Variants in RNF19B observed in about 807,000 individuals in gnomAD.
RNF19B encodes ring finger protein 19B.
Under a neutral mutation model 65.5 loss-of-function variants are expected in RNF19B, and 23 were observed. The ratio of observed to expected loss-of-function variants is 0.35; its 90% CI spans 0.25 to 0.50. RNF19B has a LOEUF of 0.50. Among genes scored for constraint, RNF19B ranks in the 20% least tolerant of loss-of-function variants. The pLI is 0.98. For synonymous variants in RNF19B, 372 were observed against 379.6 expected, an observed-to-expected ratio of 0.98 and a Z score of 0.23; for missense variants, 794 against 980.0, an observed-to-expected ratio of 0.81 and a Z score of 2.53.
Position 32,964,191 on chromosome 1 carries a change from C to G in RNF19B, c.495G>C (p.Glu165Asp), listed in dbSNP as rs1051276722. The change falls in exon 1 of 9, where the codon GAG becomes GAC. Residue 165 changes from glutamate to aspartate, a missense_variant. Physicochemically the swap from Glu to Asp is conservative, Grantham distance 45. Coordinates refer to ENST00000235150, the MANE Select transcript of RNF19B (RefSeq NM_001300826.2). This position sits in a 1 kb window ranked among gnomAD's most constrained non-coding sequence, Gnocchi z 6.5. ...CGTGCGGGTTGAGTCGCTCGCTGCA[C>G]TCGGGGCAGCTGATGGGCACCCTGC... The part of the protein sequence containing the change: ...SESRVPISCP[E>D]CSERLNPHDI... The G allele has an allele frequency of 1.9e-6, 3 of 1,546,898 alleles. No individual in the cohort carries two copies. The African/African-American group carries it at 4.1e-5, about 21-fold the overall frequency.
chr1:32,943,149 AAAAAG>A (rs1238398509), intron 6 of RNF19B, among the ~76,000 whole-genome samples: 9 of 151,982 alleles, frequency 5.9e-5, no homozygotes, highest in Non-Finnish European at 1.3e-4. Flanking sequence ...TCAAAAAAAA[AAAAAG>A]AAAAGAAAAA....
chr1:32,964,512 G>C lies in RNF19B; in HGVS notation c.174C>G (p.Pro58=), dbSNP rs1040395717. Residue 58 remains proline (P), a synonymous_variant, in exon 1 of 9, where the codon CCC becomes CCG. Transcript: ENST00000235150. The surrounding 1 kb of genome is among the most constrained non-coding windows in gnomAD (Gnocchi z 6.5). ...ARAKPQAEPP[P]PAAQPPPAPA... is the part of the protein sequence containing the mutation. ...GGGCGGGCGGCGGCTGCGCAGCCGG[G>C]GGCGGCGGCTCGGCCTGCGGCTTGG... is the stretch of plus-strand genomic sequence containing the variant. 1.0e-6 allele frequency: 1 copy of C among 971,756 alleles called. No homozygotes were observed. Among genetic ancestry groups the C allele is most frequent in the Non-Finnish European group, 1.2e-6 (1 of 816,822 alleles). 60.2% of individuals were successfully genotyped at this position (971,756 alleles called of 1,614,324 possible). A position where few individuals can be genotyped will look rare whatever the true frequency, so the allele number is the denominator to read the frequency against.
intron 1 of RNF19B, among the ~76,000 whole-genome samples, chr1:32,957,074 A>G (rs559264636): frequency 8.5e-5 from 13 of 152,332 alleles, no homozygotes; most frequent in African/African-American, 3.1e-4. Context: ...AAAATCCTTC[A>G]AAGAAAAAGA....
chr1:32,933,895 T>A (rs1382486259), downstream of RNF19B, among the ~76,000 whole-genome samples: 3 of 152,182 alleles, frequency 2.0e-5, no homozygotes. Context: ...CTGTAGTAAG[T>A]GGAACCCAGA....
Position 32,938,528 on chromosome 1 carries a change from C to T in RNF19B, c.1611G>A (p.Arg537=). 4 of 1,614,014 alleles carry T rather than the reference C, an allele frequency of 2.5e-6. No homozygotes were observed. The highest frequency in any genetic ancestry group is 3.4e-6 in the Non-Finnish European group (4 of 1,179,956). Residue 537 remains arginine (R), a splice_region_variant and synonymous_variant, in exon 8 of 9, where the codon AGG becomes AGA. Transcript: ENST00000235150. The part of the protein sequence containing the change: ...ILSSGKGKYS[R]LEVQADVQKE... ...TTTGGACATCGGCTTGAACTTCTAA[C>T]CTGTGTAAAGAGGGGACGTTCAAGT...
chr1:32,935,638 T>C (rs1642086008), downstream of RNF19B, among the ~76,000 whole-genome samples: 1 of 152,236 alleles, frequency 6.6e-6, no homozygotes, highest in Non-Finnish European at 1.5e-5. Flanking sequence ...CGGAGTGGTA[T>C]ACCTGAGAAC....
At chr1:32,930,826 G>A in the RNF19B span, among the ~76,000 whole-genome samples, 34 of 152,264 alleles carry the variant, frequency 2.2e-4, no homozygotes, top group South Asian at 4.1e-4. Context: ...AGTGGCTCAC[G>A]CCTGTAATCC....
chr1:32,937,369 G>A, intron 8 of RNF19B, 110 bp from the exon 9 acceptor site: 1 of 1,500,508 alleles, frequency 6.7e-7, no homozygotes, highest in Non-Finnish European at 9.1e-7. Flanking sequence ...TAGGTGAACA[G>A]TTAACTAGAG....
At chr1:32,962,179 G>C (rs1642785828) in intron 1 of RNF19B, among the ~76,000 whole-genome samples, 1 of 152,088 alleles carries the variant, frequency 6.6e-6, no homozygotes, top group Non-Finnish European at 1.5e-5. Flanking sequence ...ATGTTGGCCA[G>C]GCTGGTCTTG....
intron 1 of RNF19B, among the ~76,000 whole-genome samples, chr1:32,955,282 T>G (rs1025668289): frequency 6.6e-6 from 1 of 152,088 alleles, no homozygotes; most frequent in Non-Finnish European, 1.5e-5. Flanking sequence ...AGGCCATCAC[T>G]CTGCTCTAAA....
downstream of RNF19B, among the ~76,000 whole-genome samples, chr1:32,934,110 T>A (rs368994965): frequency 7.9e-5 from 12 of 152,332 alleles, no homozygotes; most frequent in African/African-American, 2.9e-4. Flanking sequence ...TCAGGGAACA[T>A]TCTTCCAGAA....
chr1:32,932,678 C>A (rs1642041491), downstream of RNF19B, among the ~76,000 whole-genome samples: 2 of 152,178 alleles, frequency 1.3e-5, no homozygotes, highest in African/African-American at 4.8e-5. Flanking sequence ...GCCGCAAGCA[C>A]TGCATCTGTC....
chr1:32,964,712 G>GCGCCCAGCGC lies in RNF19B; in HGVS notation c.-37_-28dup. The GCGCCCAGCGC allele has an allele frequency of 7.1e-7, 1 of 1,405,118 alleles. No individual in the cohort carries two copies. The allele number at this position is 1,405,118 out of a possible 1,614,324, so 87.0% of individuals were successfully genotyped here. ...GCCGGCAGAGGCCGAGGAGCCAGGGGCGCCCAGCGCCGCCACAGCTCCCGC... is the reference window on the plus strand; with the variant it reads ...GCCGGCAGAGGCCGAGGAGCCAGGGGCGCCCAGCGCCGCCCAGCGCCGCCACAGCTCCCGC... On this transcript the variant is annotated 5_prime_UTR_variant, in exon 1 of 9. Coordinates refer to ENST00000235150, the MANE Select transcript of RNF19B (RefSeq NM_001300826.2). This position sits in a 1 kb window ranked among gnomAD's most constrained non-coding sequence, Gnocchi z 6.5.
At chr1:32,958,052 T>G (rs1642682255) in intron 1 of RNF19B, among the ~76,000 whole-genome samples, 1 of 152,214 alleles carries the variant, frequency 6.6e-6, no homozygotes, top group Non-Finnish European at 1.5e-5. Flanking sequence ...TCTAGAGACA[T>G]GAGCTCTCAA....
intron 6 of RNF19B, among the ~76,000 whole-genome samples, chr1:32,943,628 A>T (rs7521845): frequency 0.023 from 3,538 of 152,194 alleles, 138 homozygotes; most frequent in African/African-American, 0.08. Flanking sequence ...AAAAAAAGAA[A>T]TTCCCATTTA....
At chr1:32,960,978 T>C (rs1413621298) in intron 1 of RNF19B, among the ~76,000 whole-genome samples, 1 of 151,908 alleles carries the variant, frequency 6.6e-6, no homozygotes, top group East Asian at 1.9e-4. Context: ...GCACCACTGC[T>C]GCACTCCAGC....
intron 1 of RNF19B, among the ~76,000 whole-genome samples, chr1:32,959,179 T>C (rs773570654): frequency 5.3e-5 from 8 of 152,280 alleles, no homozygotes; most frequent in Non-Finnish European, 8.8e-5. Flanking sequence ...TAGCTGATAC[T>C]GTTTCCTGGG....
chr1:32,934,854 A>G (rs1245165316), downstream of RNF19B, among the ~76,000 whole-genome samples: 1 of 152,158 alleles, frequency 6.6e-6, no homozygotes, highest in Non-Finnish European at 1.5e-5. Flanking sequence ...ATTTTGTCAG[A>G]CGGAGTCTCA....
chr1:32,934,927 A>AG (rs1642071956), downstream of RNF19B, among the ~76,000 whole-genome samples: 1 of 151,632 alleles, frequency 6.6e-6, no homozygotes, highest in Non-Finnish European at 1.5e-5. Context: ...CCGCCTCCCG[A>AG]GTTCAAGTGA....
Sources: gnomAD v4.1 joint callset for allele counts (sites outside exome capture counted in the v4.1 genomes callset) on GRCh38, gnomAD v4.1.1 for gene constraint, Gnocchi (gnomAD v3.1) non-coding constraint, MANE v1.5 for transcripts, NCBI Gene and HGNC (gene_info 2026-07-23, HGNC 2026-07-21) for gene names.